Variants in EPHA7 observed in about 807,000 individuals in gnomAD.
EPHA7 encodes EPH receptor A7, also known as ephrin type-A receptor 7.
EPHA7 carries 25 observed loss-of-function variants against 112.6 expected under a neutral mutation model. That is an observed-to-expected ratio of 0.22 (90% CI 0.16 to 0.31). The LOEUF is 0.31. Among genes scored for constraint, EPHA7 ranks in the 10% least tolerant of loss-of-function variants. EPHA7 has a pLI of 1.00. For synonymous variants in EPHA7, 437 were observed against 406.5 expected (o/e 1.07, Z -0.90); for missense variants, 962 against 1,212.6 (o/e 0.79, Z 3.07).
rs1769740724 is a variant in EPHA7 at position 93,242,705 on chromosome 6, T to C, written c.*721A>G. 1 of 219,782 alleles carries C rather than the reference T, an allele frequency of 4.5e-6. No homozygotes were observed. The highest frequency in any genetic ancestry group is 2.2e-5 in the African/African-American group (1 of 44,680). The allele number at this position is 219,782 out of a possible 1,614,324, so 13.6% of individuals were successfully genotyped here. A position where few individuals can be genotyped will look rare whatever the true frequency, so the allele number is the denominator to read the frequency against. The stretch of plus-strand genomic sequence containing the variant: ...TTTTCATTGAAAAGATAGTGTGTTG[T>C]CTGATCTTTACAAAAAAATTCTTTT... On this transcript the variant is annotated 3_prime_UTR_variant, in exon 17 of 17. Coordinates refer to ENST00000369303, the MANE Select transcript of EPHA7 (RefSeq NM_004440.4).
intron 1 of EPHA7, among the ~76,000 whole-genome samples, chr6:93,417,170 C>G (rs914655387): frequency 3.3e-5 from 5 of 152,180 alleles, no homozygotes; most frequent in African/African-American, 1.2e-4. Flanking sequence ...TGATAACTGA[C>G]CAACCCGAGA....
intron 12 of EPHA7, 21 bp from the exon 13 acceptor site, chr6:93,256,058 A>G (rs1202525610): frequency 6.2e-7 from 1 of 1,610,470 alleles, no homozygotes; most frequent in Non-Finnish European, 8.5e-7. Flanking sequence ...ACAAAAATAA[A>G]AGCCCAGTTA....
chr6:93,378,687 C>A (rs1382241627), intron 3 of EPHA7, among the ~76,000 whole-genome samples: 1 of 152,028 alleles, frequency 6.6e-6, no homozygotes. Flanking sequence ...AAGTAAAGTT[C>A]CCACATTAGA....
intron 3 of EPHA7, among the ~76,000 whole-genome samples, chr6:93,398,687 G>A (rs1778297659): frequency 6.6e-6 from 1 of 151,974 alleles, no homozygotes. Context: ...CATACACAGT[G>A]ATGTCCTAGT....
chr6:93,350,623 A>G (rs1458289970), intron 5 of EPHA7, among the ~76,000 whole-genome samples: 1 of 152,066 alleles, frequency 6.6e-6, no homozygotes, highest in African/African-American at 2.4e-5. Flanking sequence ...GAGAGACTCT[A>G]AAGAGACCTT....
At position 93,405,813 on chromosome 6, in the gene EPHA7, GTATATATATATA is replaced by G. The variant is rs60882775; in HGVS notation, c.832+4676_832+4687del. Among the ~76,000 whole-genome samples the G allele has an allele frequency of 4.9e-3, 364 of 73,980 alleles. 2 individuals are homozygous for G. The highest frequency in any genetic ancestry group is 9.7e-3 in the South Asian group (16 of 1,646). 48.5% of individuals were successfully genotyped at this position (73,980 alleles called of 152,430 possible). A position where few individuals can be genotyped will look rare whatever the true frequency, so the allele number is the denominator to read the frequency against. ...TGTGTGTGTGTGTGTGTGTGTGTGT[GTATATATATATA>G]TATATATATATATATATATATATAT... is the stretch of plus-strand genomic sequence containing the variant. On this transcript the variant is annotated intron_variant, in intron 3 of 16. Transcript: ENST00000369303.
chr6:93,259,327 T>C (rs1377509061), intron 10 of EPHA7, 27 bp downstream of exon 10: 16 of 1,609,404 alleles, frequency 9.9e-6, no homozygotes, highest in African/African-American at 1.3e-5. Flanking sequence ...ATGGAACAGC[T>C]GAACGAGGAA....
chr6:93,379,617 T>C (rs1304839833), intron 3 of EPHA7, among the ~76,000 whole-genome samples: 1 of 152,036 alleles, frequency 6.6e-6, no homozygotes, highest in Non-Finnish European at 1.5e-5. Context: ...AAAAGGTTTA[T>C]ACGGCCAGTG....
At position 93,258,200 on chromosome 6, in the gene EPHA7, C is replaced by A; in HGVS notation, c.2009G>T (p.Gly670Val). The change falls in exon 11 of 17, where the codon GGT (glycine) becomes GTT (valine). Residue 670 changes from glycine (G) to valine (V), a missense_variant. Physicochemically the swap from Gly to Val is moderately radical, Grantham distance 109 (BLOSUM62 -3). This residue lies in a region of EPHA7 where 746 missense variants were observed against 889.2 expected (regional missense o/e 0.84). Transcript: ENST00000369303. ...GTCTCTCCTTTGTTTTTCTGTGTAA[C>A]CAACTTTCAGGGTTTTTATGGCTAC... ...VAVAIKTLKV[G>V]YTEKQRRDFL... 1 of 1,613,388 alleles carries A rather than the reference C, an allele frequency of 6.2e-7. No homozygotes were observed. Among genetic ancestry groups the A allele is most frequent in the African/African-American group, 1.3e-5 (1 of 74,990 alleles).
chr6:93,269,461 C>T lies in EPHA7; in HGVS notation c.1633+16G>A. ...GAGTTATTGAGAGTAGGAATCCAAACCAAAGGCATAATTACCTTCAAACAT... is the reference window on the plus strand; with the variant it reads ...GAGTTATTGAGAGTAGGAATCCAAATCAAAGGCATAATTACCTTCAAACAT... On this transcript the variant is annotated intron_variant, in intron 7 of 16. Coordinates refer to ENST00000369303, the MANE Select transcript of EPHA7 (RefSeq NM_004440.4). The T allele has an allele frequency of 6.2e-7, 1 of 1,607,498 alleles. No individual in the cohort carries two copies. Among genetic ancestry groups the T allele is most frequent in the South Asian group, 1.1e-5 (1 of 90,722 alleles).
At chr6:93,400,560 TCTAA>T (rs1778390861) in intron 3 of EPHA7, among the ~76,000 whole-genome samples, 1 of 152,020 alleles carries the variant, frequency 6.6e-6, no homozygotes, top group Non-Finnish European at 1.5e-5. Context: ...AGAAACAAGG[TCTAA>T]CTGTCACCCT....
At chr6:93,415,379 A>AT (rs567627924) in intron 1 of EPHA7, among the ~76,000 whole-genome samples, 5 of 151,856 alleles carry the variant, frequency 3.3e-5, no homozygotes, top group South Asian at 2.1e-4. Context: ...TTTTTTCAGC[A>AT]TTTTTTTTAA....
At chr6:93,259,581 T>G (rs1770595309) in intron 9 of EPHA7, 102 bp from the exon 10 acceptor site, 1 of 1,387,742 alleles carries the variant, frequency 7.2e-7, no homozygotes, top group Non-Finnish European at 1.0e-6. Context: ...AACAGTGAAC[T>G]TGCTTCCACA....
At chr6:93,347,070 G>T (rs987823039) in intron 5 of EPHA7, among the ~76,000 whole-genome samples, 2 of 151,726 alleles carry the variant, frequency 1.3e-5, no homozygotes, top group African/African-American at 4.8e-5. Context: ...CATATTTTTT[G>T]AAGAGGATGC....
chr6:93,407,203 T>C (rs1275778392), intron 3 of EPHA7, among the ~76,000 whole-genome samples: 1 of 152,070 alleles, frequency 6.6e-6, no homozygotes, highest in African/African-American at 2.4e-5. Flanking sequence ...CTAGCAAACA[T>C]CACAATGGGC....
chr6:93,393,149 G>C (rs554921662), intron 3 of EPHA7, among the ~76,000 whole-genome samples: 1 of 151,720 alleles, frequency 6.6e-6, no homozygotes, highest in African/African-American at 2.4e-5. Flanking sequence ...TTTAAGACCT[G>C]TTTTAACAAA....
intron 5 of EPHA7, among the ~76,000 whole-genome samples, chr6:93,283,179 CTG>C (rs1383950676): frequency 6.6e-6 from 1 of 152,170 alleles, no homozygotes; most frequent in Non-Finnish European, 1.5e-5. Context: ...AATCAGCACT[CTG>C]TGTCTAGCTC....
rs191004859 is a variant in EPHA7, at chr6:93,334,141, A to C, written c.1324+22576T>G. 4.8e-4 allele frequency among the ~76,000 whole-genome samples: 73 copies of C among 152,124 alleles called. 1 individual carries two copies. The highest frequency in any genetic ancestry group is 3.0e-3 in the Admixed American group (46 of 15,222). Reference sequence around the variant, plus strand: ...ATCTGATCCTTGACAAAGTCAACAAAAACAAACAGTGGGGAATGAACTATT... The same window carrying C: ...ATCTGATCCTTGACAAAGTCAACAACAACAAACAGTGGGGAATGAACTATT... On this transcript the variant is annotated intron_variant, in intron 5 of 16. Transcript: ENST00000369303.
At chr6:93,325,532 C>T (rs758911441) in intron 5 of EPHA7, among the ~76,000 whole-genome samples, 1 of 151,258 alleles carries the variant, frequency 6.6e-6, no homozygotes, top group Non-Finnish European at 1.5e-5. Flanking sequence ...CTATACTCCA[C>T]TCCTTCCCAC....
Sources: gnomAD v4.1 joint callset for allele counts (sites outside exome capture counted in the v4.1 genomes callset) on GRCh38, gnomAD v4.1.1 for gene constraint, gnomAD v4.1.1 regional missense constraint, MANE v1.5 for transcripts, NCBI Gene and HGNC (gene_info 2026-07-23, HGNC 2026-07-21) for gene names.